FSTL5: variants seen among roughly 807,000 people sequenced by gnomAD.
FSTL5 encodes follistatin-related protein 5.
A neutral mutation model predicts 89.1 loss-of-function variants in FSTL5; 62 were observed. That is an observed-to-expected ratio of 0.70 (90% CI 0.57 to 0.86). The LOEUF is 0.86. FSTL5 is among the 40% of genes least tolerant of loss of function. The pLI, the probability that FSTL5 is intolerant of heterozygous loss-of-function variation, is 0.00. For synonymous variants in FSTL5, 383 were observed against 346.2 expected (o/e 1.11, Z -1.18); for missense variants, 1,057 against 1,001.6 (o/e 1.06, Z -0.75).
At chr4:161,734,949 C>T (rs990739102) in intron 6 of FSTL5, among the ~76,000 whole-genome samples, 18 of 152,100 alleles carry the variant, frequency 1.2e-4, no homozygotes, top group Non-Finnish European at 1.8e-4. Flanking sequence ...GCCAGGTATC[C>T]TCCAACTCAA....
intron 6 of FSTL5, among the ~76,000 whole-genome samples, chr4:161,755,456 C>T (rs907441612): frequency 1.3e-5 from 2 of 151,924 alleles, no homozygotes; most frequent in Non-Finnish European, 2.9e-5. Flanking sequence ...TATACCATGG[C>T]AGAGAGAAAG....
intron 4 of FSTL5, among the ~76,000 whole-genome samples, chr4:161,871,232 T>C (rs2126899936): frequency 6.6e-6 from 1 of 152,232 alleles, no homozygotes; most frequent in Admixed American, 6.5e-5. Flanking sequence ...TAGTTTTACC[T>C]TACATAGTTA....
chr4:161,598,974 T>C (rs1242413486), intron 7 of FSTL5, among the ~76,000 whole-genome samples: 3 of 152,212 alleles, frequency 2.0e-5, no homozygotes, highest in South Asian at 4.1e-4. Flanking sequence ...GAAATCATTT[T>C]AAAAGTAATT....
chr4:161,577,080 G>T (rs1003504927), intron 8 of FSTL5, among the ~76,000 whole-genome samples: 16 of 152,262 alleles, frequency 1.1e-4, no homozygotes, highest in African/African-American at 2.9e-4. Context: ...CTTCTTTTTA[G>T]AACAGGGATT....
chr4:161,681,532 T>C lies in FSTL5; in HGVS notation c.728-25038A>G, dbSNP rs1579016898. ...CAAGGGATACTCCAAGGTCTGCCCATGACAGTCTCCTAATAGCCCTGGCAA... is the reference window on the plus strand; with the variant it reads ...CAAGGGATACTCCAAGGTCTGCCCACGACAGTCTCCTAATAGCCCTGGCAA... On this transcript the variant is annotated intron_variant, in intron 6 of 15. Coordinates refer to ENST00000306100, the MANE Select transcript of FSTL5 (RefSeq NM_020116.5). Among the ~76,000 whole-genome samples the C allele has an allele frequency of 5.3e-5, 8 of 152,228 alleles. No individual in the cohort carries two copies. In the South Asian group the frequency reaches 1.7e-3, roughly 32 times the overall value.
intron 2 of FSTL5, among the ~76,000 whole-genome samples, chr4:162,066,394 T>A: frequency 7.0e-6 from 1 of 142,834 alleles, no homozygotes; most frequent in East Asian, 2.1e-4. Flanking sequence ...TTCTTCATTT[T>A]CCTTTTTTTT....
chr4:161,756,571 C>T (rs1352654638), intron 6 of FSTL5, among the ~76,000 whole-genome samples: 1 of 151,922 alleles, frequency 6.6e-6, no homozygotes, highest in East Asian at 1.9e-4. Context: ...ATTTAGATTT[C>T]TGACTTGTAA....
chr4:161,550,320 T>C (rs114613938), intron 8 of FSTL5, among the ~76,000 whole-genome samples: 8,331 of 151,944 alleles, frequency 0.055, 290 homozygotes, highest in Middle Eastern at 0.092. Flanking sequence ...CAAGTTCTGA[T>C]TTTATTCTTT....
intron 6 of FSTL5, among the ~76,000 whole-genome samples, chr4:161,669,238 A>C (rs1737010244): frequency 6.6e-6 from 1 of 152,172 alleles, no homozygotes; most frequent in Non-Finnish European, 1.5e-5. Context: ...CTCCATCTTT[A>C]AATTTAATGC....
At chr4:161,883,479 C>A in intron 4 of FSTL5, among the ~76,000 whole-genome samples, 1 of 152,086 alleles carries the variant, frequency 6.6e-6, no homozygotes, top group East Asian at 1.9e-4. Flanking sequence ...CAGTTCTTTA[C>A]TAAGTAATTT....
intron 6 of FSTL5, among the ~76,000 whole-genome samples, chr4:161,751,103 T>C (rs1026747204): frequency 4.6e-5 from 7 of 152,006 alleles, no homozygotes; most frequent in African/African-American, 1.7e-4. Flanking sequence ...TGCCAGATAC[T>C]ATAGGTGAAA....
At chr4:161,847,388 C>T (rs1282964126) in intron 4 of FSTL5, among the ~76,000 whole-genome samples, 2 of 152,092 alleles carry the variant, frequency 1.3e-5, no homozygotes, top group Non-Finnish European at 2.9e-5. Flanking sequence ...ATTACTATCC[C>T]TATTTTACAG....
At chr4:162,062,791 A>G (rs755311125) in intron 2 of FSTL5, among the ~76,000 whole-genome samples, 1 of 151,316 alleles carries the variant, frequency 6.6e-6, no homozygotes, top group Non-Finnish European at 1.5e-5. Context: ...AAATTTTTTC[A>G]TTATATTTTA....
At chr4:161,781,896 A>G (rs1399827755) in intron 4 of FSTL5, among the ~76,000 whole-genome samples, 1 of 152,076 alleles carries the variant, frequency 6.6e-6, no homozygotes, top group Non-Finnish European at 1.5e-5. Flanking sequence ...TACTCCATCT[A>G]TTCATCACTT....
intron 7 of FSTL5, among the ~76,000 whole-genome samples, chr4:161,637,576 C>G (rs1446750510): frequency 6.8e-6 from 1 of 147,134 alleles, no homozygotes; most frequent in African/African-American, 2.5e-5. Flanking sequence ...AGGTTTTCTT[C>G]TAGGGTTTTT....
intron 15 of FSTL5, among the ~76,000 whole-genome samples, chr4:161,398,930 C>A (rs894386782): frequency 2.0e-5 from 3 of 151,928 alleles, no homozygotes; most frequent in Non-Finnish European, 4.4e-5. Flanking sequence ...AAAGCCCAGA[C>A]ATAAATGAAT....
intron 6 of FSTL5, among the ~76,000 whole-genome samples, chr4:161,657,699 T>A (rs1326618605): frequency 1.3e-5 from 2 of 151,996 alleles, no homozygotes; most frequent in African/African-American, 4.8e-5. Flanking sequence ...CAATAAAGAG[T>A]TATTTGGTTT....
intron 5 of FSTL5, among the ~76,000 whole-genome samples, chr4:161,773,197 GA>G (rs1369270140): frequency 6.6e-6 from 1 of 152,138 alleles, no homozygotes. Flanking sequence ...ATCAACTCAA[GA>G]TGGATCAAGG....
chr4:161,783,981 G>A (rs948019243), intron 4 of FSTL5, among the ~76,000 whole-genome samples: 59 of 150,970 alleles, frequency 3.9e-4, no homozygotes, highest in Admixed American at 1.1e-3. Context: ...TGTCGCCCAG[G>A]TTACAGTGCG....
Sources: allele counts gnomAD v4.1 joint callset (sites outside exome capture counted in the v4.1 genomes callset), GRCh38; gene constraint gnomAD v4.1.1; transcripts MANE v1.5; gene names NCBI Gene and HGNC (gene_info 2026-07-23, HGNC 2026-07-21).